The following MECOM variants were observed in gnomAD, a reference collection of about 807,000 sequenced individuals.
The protein encoded by MECOM is histone-lysine N-methyltransferase MECOM.
MECOM carries 13 observed loss-of-function variants against 116.3 expected under a neutral mutation model. That is an observed-to-expected ratio of 0.11 (90% CI 0.07 to 0.18). The LOEUF (loss-of-function observed/expected upper bound fraction) is 0.18, where lower values mean the gene tolerates loss of function less well. Ranked by LOEUF, MECOM falls within the 10% of genes least tolerant of loss-of-function variation. The pLI, the probability that MECOM is intolerant of heterozygous loss-of-function variation, is 1.00. For synonymous variants in MECOM, 528 were observed against 535.2 expected, an observed-to-expected ratio of 0.99 and a Z score of 0.19; for missense variants, 1,299 against 1,509.0, an observed-to-expected ratio of 0.86 and a Z score of 2.31.
chr3:169,187,334 T>C (rs1746917104), intron 2 of MECOM, among the ~76,000 whole-genome samples: 1 of 152,176 alleles, frequency 6.6e-6, no homozygotes, highest in Non-Finnish European at 1.5e-5. Flanking sequence ...TTCTCATTCT[T>C]TACCAAGGAG....
intron 1 of MECOM, among the ~76,000 whole-genome samples, chr3:169,587,107 T>C (rs7631725): frequency 0.14 from 20,869 of 152,176 alleles, 2,085 homozygotes; most frequent in African/African-American, 0.28. Context: ...GTTAAATAAT[T>C]GCCCAAAGAT....
chr3:169,470,488 T>C (rs1173662556), intron 1 of MECOM, among the ~76,000 whole-genome samples: 4 of 152,190 alleles, frequency 2.6e-5, no homozygotes, highest in Non-Finnish European at 5.9e-5. Context: ...TCCTTTCTGT[T>C]GAAGCTCACT....
At chr3:169,230,998 C>A (rs552289851) in intron 2 of MECOM, among the ~76,000 whole-genome samples, 1 of 152,048 alleles carries the variant, frequency 6.6e-6, no homozygotes, top group African/African-American at 2.4e-5. Context: ...TGTTTAAATA[C>A]TCTCTCTTCT....
At chr3:169,546,633 A>G (rs1159502843) in intron 1 of MECOM, among the ~76,000 whole-genome samples, 1 of 152,180 alleles carries the variant, frequency 6.6e-6, no homozygotes, top group Admixed American at 6.5e-5. Flanking sequence ...AGTGTGTTGG[A>G]CTGTATCCAA....
intron 2 of MECOM, among the ~76,000 whole-genome samples, chr3:169,156,958 G>A (rs921268540): frequency 1.4e-4 from 21 of 152,054 alleles, no homozygotes; most frequent in African/African-American, 4.6e-4. Flanking sequence ...AAACTAACTG[G>A]ACATTAAATC....
intron 1 of MECOM, among the ~76,000 whole-genome samples, chr3:169,420,219 A>G (rs1739471076): frequency 6.6e-6 from 1 of 152,018 alleles, no homozygotes; most frequent in Non-Finnish European, 1.5e-5. Context: ...TCCCAAGTTC[A>G]AGCATCTCTC....
In MECOM at chr3:169,116,702, G is replaced by A. The variant is rs759927166; in HGVS notation, c.1170C>T (p.Asn390=). Residue 390 remains asparagine (N), a synonymous_variant, in exon 8 of 17, where the codon AAC becomes AAT. Coordinates refer to ENST00000651503, the MANE Select transcript of MECOM (RefSeq NM_004991.4). ...CATGCATGCGCTTATGACGGCAAAG[G>A]TTTGAAAACTGAGTATAGGATTTAT... ...VCHKSYTQFS[N]LCRHKRMHAD... 23 of 1,613,250 alleles carry A rather than the reference G, an allele frequency of 1.4e-5. No individual in the cohort carries two copies. The highest frequency in any genetic ancestry group is 1.3e-5 in the African/African-American group (1 of 74,860).
At chr3:169,313,164 G>A (rs1719112411) in intron 2 of MECOM, among the ~76,000 whole-genome samples, 1 of 152,194 alleles carries the variant, frequency 6.6e-6, no homozygotes, top group Admixed American at 6.5e-5. Context: ...GAGTCAAAGT[G>A]TAAAAGTAAA....
rs1475397577 is a variant in MECOM at position 169,116,555 on chromosome 3, A to C, written c.1317T>G (p.Phe439Leu). Residue 439 changes from phenylalanine (F) to leucine (L), a missense_variant, in exon 8 of 17, where the codon TTT (phenylalanine) becomes TTG (leucine). By Grantham distance (22) the Phe-to-Leu change is conservative. Around this residue, in one of 6 missense-constraint regions of MECOM, gnomAD observed 238 missense variants for 273.1 expected, o/e 0.87. Transcript: ENST00000651503. ...TTCCAGGAAGTGAAATGCCTTGGCCAAAAAATCCACCTGCCGCAAAATGGT... is the reference window on the plus strand; with the variant it reads ...TTCCAGGAAGTGAAATGCCTTGGCCCAAAAATCCACCTGCCGCAAAATGGT... Reference protein sequence around the residue: ...GKNHFAAGGFFGQGISLPGTP... With the variant: ...GKNHFAAGGFLGQGISLPGTP... The C allele has an allele frequency of 1.8e-5, 29 of 1,614,148 alleles. No homozygotes were observed. Among genetic ancestry groups the C allele is most frequent in the Middle Eastern group, 1.6e-4 (1 of 6,062 alleles).
chr3:169,389,978 T>C (rs1379242620), intron 1 of MECOM, among the ~76,000 whole-genome samples: 1 of 152,154 alleles, frequency 6.6e-6, no homozygotes, highest in East Asian at 1.9e-4. Flanking sequence ...AACTCCCATA[T>C]GGGTCAAGAT....
intron 2 of MECOM, chr3:169,146,876 T>G: frequency 9.7e-7 from 1 of 1,026,756 alleles, no homozygotes; most frequent in Non-Finnish European, 1.2e-6. Context: ...AAAATAATAA[T>G]AATAATTTTT....
chr3:169,291,919 G>A (rs1451827445), intron 2 of MECOM, among the ~76,000 whole-genome samples: 1 of 152,130 alleles, frequency 6.6e-6, no homozygotes, highest in Admixed American at 6.6e-5. Context: ...CATACTTCAA[G>A]CAAAAACTCA....
intron 2 of MECOM, among the ~76,000 whole-genome samples, chr3:169,191,174 G>T (rs1349191456): frequency 6.6e-6 from 1 of 151,898 alleles, no homozygotes; most frequent in Non-Finnish European, 1.5e-5. Flanking sequence ...CTCTCCACTT[G>T]TCCCCCTCCT....
At chr3:169,280,590 A>G (rs1415140034) in intron 2 of MECOM, among the ~76,000 whole-genome samples, 1 of 152,208 alleles carries the variant, frequency 6.6e-6, no homozygotes, top group African/African-American at 2.4e-5. Context: ...CAGTGTCTAA[A>G]GCTAAATAGG....
chr3:169,221,567 T>TA (rs34439968), intron 2 of MECOM, among the ~76,000 whole-genome samples: 16,648 of 132,322 alleles, frequency 0.13, 1,005 homozygotes, highest in Non-Finnish European at 0.14. Context: ...AAAGAGATGT[T>TA]AAAAAAAAAA....
intron 2 of MECOM, among the ~76,000 whole-genome samples, chr3:169,370,406 T>G (rs1470694802): frequency 6.6e-6 from 1 of 151,936 alleles, no homozygotes; most frequent in East Asian, 1.9e-4. Flanking sequence ...ACCTACAACC[T>G]GAAATCATAA....
intron 1 of MECOM, among the ~76,000 whole-genome samples, chr3:169,606,760 A>T (rs1768625615): frequency 6.6e-6 from 1 of 152,164 alleles, no homozygotes; most frequent in Non-Finnish European, 1.5e-5. Context: ...GTCAGAGCTG[A>T]CTCACTACCA....
rs1012824743 is a variant in MECOM at position 169,412,649 on chromosome 3, A to T, written c.38-31125T>A. 2.8e-4 allele frequency among the ~76,000 whole-genome samples: 43 copies of T among 152,330 alleles called. No individual in the cohort carries two copies. In the South Asian group the frequency reaches 3.1e-3, roughly 11 times the overall value. ...TCTTCCCAGTATGAATCCTTTAAAA[A>T]TATTAATTATAATAATGTTTGACTT... On this transcript the variant is annotated intron_variant, in intron 1 of 16. Coordinates refer to ENST00000651503, the MANE Select transcript of MECOM (RefSeq NM_004991.4).
intron 2 of MECOM, among the ~76,000 whole-genome samples, chr3:169,372,773 T>C (rs1419109537): frequency 1.3e-5 from 2 of 151,966 alleles, no homozygotes; most frequent in Non-Finnish European, 2.9e-5. Flanking sequence ...CATTTTACCC[T>C]TACAACAACT....
Sources: gnomAD v4.1 joint callset for allele counts (sites outside exome capture counted in the v4.1 genomes callset) on GRCh38, gnomAD v4.1.1 for gene constraint, gnomAD v4.1.1 regional missense constraint, MANE v1.5 for transcripts, NCBI Gene and HGNC (gene_info 2026-07-23, HGNC 2026-07-21) for gene names.